FMN2: variants seen among roughly 807,000 people sequenced by gnomAD.
The protein encoded by FMN2 is formin 2.
In FMN2, 51 loss-of-function variants were observed where a neutral mutation model predicts 142.3. That is an observed-to-expected ratio of 0.36 (90% CI 0.29 to 0.45). FMN2 has a LOEUF of 0.45. Ranked by LOEUF, FMN2 falls within the 20% of genes least tolerant of loss-of-function variation. FMN2 has a pLI of 1.00. For synonymous variants in FMN2, 882 were observed against 869.8 expected (o/e 1.01, Z -0.25); for missense variants, 1,936 against 2,122.8 (o/e 0.91, Z 1.73).
At chr1:240,365,449 A>G (rs1334646002) in intron 14 of FMN2, among the ~76,000 whole-genome samples, 1 of 152,138 alleles carries the variant, frequency 6.6e-6, no homozygotes, top group Non-Finnish European at 1.5e-5. Context: ...TTTTCTATAT[A>G]GAGATAACTA....
At chr1:240,203,468 CT>C (rs1242747975) in intron 4 of FMN2, among the ~76,000 whole-genome samples, 3 of 152,142 alleles carry the variant, frequency 2.0e-5, no homozygotes, top group African/African-American at 4.8e-5. Flanking sequence ...CCATGGAATA[CT>C]ATGCAGACAC....
intron 8 of FMN2, among the ~76,000 whole-genome samples, chr1:240,295,190 AC>A (rs1669927446): frequency 2.4e-4 from 1 of 4,254 alleles, no homozygotes; most frequent in Non-Finnish European, 5.8e-4. Flanking sequence ...TGCACTTCAT[AC>A]ACACACACAC....
intron 2 of FMN2, among the ~76,000 whole-genome samples, chr1:240,161,314 G>A (rs145208234): frequency 1.1e-4 from 16 of 152,030 alleles, no homozygotes; most frequent in African/African-American, 3.6e-4. Flanking sequence ...GGCGGAATAC[G>A]AGGTCAGGAG....
At chr1:240,401,717 C>A (rs1673996896) in intron 15 of FMN2, among the ~76,000 whole-genome samples, 1 of 152,172 alleles carries the variant, frequency 6.6e-6, no homozygotes, top group Non-Finnish European at 1.5e-5. Flanking sequence ...ACTGAACAGC[C>A]TTTTCTGTAC....
At chr1:240,151,563 C>T (rs1053559947) in intron 2 of FMN2, among the ~76,000 whole-genome samples, 2 of 152,024 alleles carry the variant, frequency 1.3e-5, no homozygotes, top group African/African-American at 4.8e-5. Context: ...TTCTGAGAGA[C>T]AGGAGTCTTA....
chr1:240,136,663 ATTTTC>A (rs1381238972), intron 2 of FMN2, among the ~76,000 whole-genome samples: 2 of 151,898 alleles, frequency 1.3e-5, no homozygotes, highest in African/African-American at 2.4e-5. Context: ...TTCTGTCATG[ATTTTC>A]TTTTCTTGTC....
At chr1:240,456,878 G>A (rs12403072) in intron 16 of FMN2, among the ~76,000 whole-genome samples, 113,639 of 152,082 alleles carry the variant, frequency 0.75, 42,639 homozygotes, top group Middle Eastern at 0.82. Flanking sequence ...CTCTAGAACC[G>A]CACAGATAAA....
intron 2 of FMN2, among the ~76,000 whole-genome samples, chr1:240,147,443 C>A (rs1663535809): frequency 6.6e-6 from 1 of 152,126 alleles, no homozygotes; most frequent in African/African-American, 2.4e-5. Flanking sequence ...CCTAATTAGT[C>A]TCCATGGGTC....
chr1:240,257,580 A>G (rs1019110030), intron 6 of FMN2, among the ~76,000 whole-genome samples: 1 of 152,216 alleles, frequency 6.6e-6, no homozygotes, highest in Non-Finnish European at 1.5e-5. Flanking sequence ...AAGAAAAAAG[A>G]ACACTTCAAA....
At position 240,306,095 on chromosome 1, in the gene FMN2, A is replaced by G. The variant is rs186509924; in HGVS notation, c.4215+11212A>G. Reference sequence around the variant, plus strand: ...CTCCTGAGTAGCTGGGATTACAGGCATGTACCACCATGCCCAGCTAATTTT... The same window carrying G: ...CTCCTGAGTAGCTGGGATTACAGGCGTGTACCACCATGCCCAGCTAATTTT... On this transcript the variant is annotated intron_variant, in intron 8 of 17. Transcript: ENST00000319653. Among the ~76,000 whole-genome samples the G allele has an allele frequency of 2.3e-3, 347 of 151,834 alleles. 2 individuals are homozygous for G. Among genetic ancestry groups the G allele is most frequent in the South Asian group, 0.011 (53 of 4,790 alleles).
rs148383474 is a variant in FMN2, at chr1:240,325,775, G to A, written c.4216-3301G>A. Reference sequence around the variant, plus strand: ...TGTTGTGCTTTTGTTAGTGATTTTGGAGTCTAAGAGGGCCCCAAGCACAGT... The same window carrying A: ...TGTTGTGCTTTTGTTAGTGATTTTGAAGTCTAAGAGGGCCCCAAGCACAGT... On this transcript the variant is annotated intron_variant, in intron 8 of 17. Coordinates refer to ENST00000319653, the MANE Select transcript of FMN2 (RefSeq NM_020066.5). Among the ~76,000 whole-genome samples the A allele has an allele frequency of 4.8e-4, 73 of 152,228 alleles. No individual in the cohort carries two copies. The East Asian group carries it at 0.012, about 25-fold the overall frequency.
intron 14 of FMN2, among the ~76,000 whole-genome samples, chr1:240,380,778 A>G (rs199556103): frequency 1.3e-5 from 2 of 152,046 alleles, no homozygotes; most frequent in African/African-American, 2.4e-5. Context: ...GACCAAAAAA[A>G]ATGATAAAGG....
chr1:240,380,016 T>C (rs1028590758), intron 14 of FMN2, among the ~76,000 whole-genome samples: 5 of 152,078 alleles, frequency 3.3e-5, no homozygotes, highest in Admixed American at 3.3e-4. Context: ...AGACAAGAGA[T>C]AGACAGCAAT....
At chr1:240,341,702 AT>A (rs373559074) in intron 13 of FMN2, among the ~76,000 whole-genome samples, 1,753 of 151,934 alleles carry the variant, frequency 0.012, 17 homozygotes, top group South Asian at 0.024. Flanking sequence ...CTGTCTTTTG[AT>A]TTTTTTTCAA....
At chr1:240,332,729 A>G (rs1671422213) in intron 11 of FMN2, among the ~76,000 whole-genome samples, 1 of 152,156 alleles carries the variant, frequency 6.6e-6, no homozygotes, top group African/African-American at 2.4e-5. Flanking sequence ...AGTCTTCCTG[A>G]ATTGGTTCTT....
At chr1:240,106,770 G>C (rs1661625674) in intron 1 of FMN2, among the ~76,000 whole-genome samples, 1 of 150,898 alleles carries the variant, frequency 6.6e-6, no homozygotes, top group African/African-American at 2.4e-5. Context: ...TGCAACCTCC[G>C]CCTCCTGGGT....
At chr1:240,211,994 A>G (rs1279504141) in intron 6 of FMN2, among the ~76,000 whole-genome samples, 1 of 152,096 alleles carries the variant, frequency 6.6e-6, no homozygotes, top group Non-Finnish European at 1.5e-5. Flanking sequence ...TGAAATGGAG[A>G]GTGGCTACAT....
chr1:240,158,571 T>C (rs1296255566), intron 2 of FMN2, among the ~76,000 whole-genome samples: 3 of 152,104 alleles, frequency 2.0e-5, no homozygotes, highest in African/African-American at 7.2e-5. Context: ...GGTCAAATAC[T>C]TTTATAAAAA....
At chr1:240,138,783 G>C (rs547891726) in intron 2 of FMN2, among the ~76,000 whole-genome samples, 28 of 152,318 alleles carry the variant, frequency 1.8e-4, no homozygotes, top group African/African-American at 6.3e-4. Flanking sequence ...TATCCAGGGA[G>C]TTGCACTAGT....
Sources: allele counts gnomAD v4.1 joint callset (sites outside exome capture counted in the v4.1 genomes callset), GRCh38; gene constraint gnomAD v4.1.1; transcripts MANE v1.5; gene names NCBI Gene and HGNC (gene_info 2026-07-23, HGNC 2026-07-21).